Variants in TECPR2 observed in about 807,000 individuals in gnomAD.
TECPR2 encodes tectonin beta-propeller repeat containing 2.
TECPR2 carries 65 observed loss-of-function variants against 138.1 expected under a neutral mutation model. The observed-to-expected ratio is 0.47, with a 90% CI of 0.39 to 0.58. The LOEUF is 0.58. TECPR2 is among the 20% of genes least tolerant of loss of function. The pLI, the probability that TECPR2 is intolerant of heterozygous loss-of-function variation, is 0.00. For missense variants in TECPR2, 1,553 were observed against 1,824.5 expected (o/e 0.85, Z 2.71); for synonymous variants, 746 against 749.8 (o/e 0.99, Z 0.08).
At chr14:102,369,429 C>T (rs957017032) in intron 1 of TECPR2, among the ~76,000 whole-genome samples, 2 of 152,122 alleles carry the variant, frequency 1.3e-5, no homozygotes, top group Admixed American at 1.3e-4. Context: ...TGCTCTGTCA[C>T]CTAGGCTGGA....
intron 6 of TECPR2, among the ~76,000 whole-genome samples, chr14:102,427,659 C>G (rs1889359134): frequency 6.6e-6 from 1 of 152,138 alleles, no homozygotes; most frequent in African/African-American, 2.4e-5. Context: ...TTCATGTATT[C>G]ATTCAAAACC....
chr14:102,398,087 AAAAAGAAAAAAG>A (rs1567323591), intron 2 of TECPR2, among the ~76,000 whole-genome samples: 6 of 150,470 alleles, frequency 4.0e-5, no homozygotes, highest in East Asian at 1.9e-4. Context: ...AAAAAAAAAA[AAAAAGAAAAAAG>A]AAAGAAAAGA....
intron 17 of TECPR2, among the ~76,000 whole-genome samples, chr14:102,495,818 GC>G (rs930807728): frequency 2.1e-4 from 32 of 152,384 alleles, no homozygotes; most frequent in African/African-American, 7.0e-4. Flanking sequence ...GCGTTCATCA[GC>G]CCACAGTTAG....
At chr14:102,497,801 A>C in intron 19 of TECPR2, 82 bp downstream of exon 19, 1 of 1,447,322 alleles carries the variant, frequency 6.9e-7, no homozygotes, top group Non-Finnish European at 9.2e-7. Flanking sequence ...CTCTCAAAGA[A>C]GCCGACCCCA....
In TECPR2 at chr14:102,496,802, G is replaced by A. The variant is rs150299210; in HGVS notation, c.3790-177G>A. ...GGCCCACCTGACATTCTGGAGACAA[G>A]TGACCATCTCCCCCGTGAGACTGGC... On this transcript the variant is annotated intron_variant, in intron 17 of 19. Transcript: ENST00000359520. 22 of 901,662 alleles carry A rather than the reference G, an allele frequency of 2.4e-5. No individual in the cohort carries two copies. In the African/African-American group the frequency reaches 3.7e-4, roughly 15 times the overall value. The allele number at this position is 901,662 out of a possible 1,614,324, so 55.9% of individuals were successfully genotyped here.
At chr14:102,484,803 G>T (rs1463112609) in intron 17 of TECPR2, among the ~76,000 whole-genome samples, 10 of 152,098 alleles carry the variant, frequency 6.6e-5, no homozygotes, top group African/African-American at 2.2e-4. Flanking sequence ...GATTACAGGC[G>T]CATGCCACCA....
In TECPR2 at chr14:102,367,822, C is replaced by A. The variant is rs550309846; in HGVS notation, c.-73+4706C>A. On this transcript the variant is annotated intron_variant, in intron 1 of 19. Transcript: ENST00000359520. ...CTCTGTAACCTTTTGAAGAACTGCC[C>A]ACTGGTGGCTGCACCATTTTATTTT... Among the ~76,000 whole-genome samples the A allele has an allele frequency of 7.7e-4, 117 of 152,128 alleles. 1 individual carries two copies. Among genetic ancestry groups the A allele is most frequent in the African/African-American group, 2.5e-3 (102 of 41,488 alleles).
chr14:102,490,046 T>C (rs1427628503), intron 17 of TECPR2, among the ~76,000 whole-genome samples: 1 of 151,982 alleles, frequency 6.6e-6, no homozygotes, highest in Non-Finnish European at 1.5e-5. Flanking sequence ...AGTGAGTTTA[T>C]AAAATAAATA....
At chr14:102,369,613 A>G (rs903972724) in intron 1 of TECPR2, among the ~76,000 whole-genome samples, 5 of 151,936 alleles carry the variant, frequency 3.3e-5, no homozygotes, top group African/African-American at 1.2e-4. Flanking sequence ...TTTTGTAGAG[A>G]CAGAGTTTTG....
At chr14:102,493,605 A>C (rs886661544) in intron 17 of TECPR2, among the ~76,000 whole-genome samples, 1 of 152,172 alleles carries the variant, frequency 6.6e-6, no homozygotes, top group African/African-American at 2.4e-5. Flanking sequence ...GAAATCCCAA[A>C]CATCTGATCC....
intron 17 of TECPR2, chr14:102,465,647 T>C: frequency 1.0e-6 from 1 of 989,800 alleles, no homozygotes; most frequent in Non-Finnish European, 1.2e-6. Flanking sequence ...CCCAGAAGTA[T>C]AAAGAAGGTA....
chr14:102,428,117 A>G (rs188281652), intron 6 of TECPR2, 133 bp from the exon 7 acceptor site: 5 of 1,245,262 alleles, frequency 4.0e-6, no homozygotes, highest in Non-Finnish European at 5.4e-6. Flanking sequence ...TGGAATTTTC[A>G]GAAAGTTACC....
chr14:102,416,010 A>G (rs1889015853), intron 5 of TECPR2, among the ~76,000 whole-genome samples: 2 of 152,362 alleles, frequency 1.3e-5, no homozygotes, highest in Admixed American at 1.3e-4. Context: ...GCTTTGCGGC[A>G]ACACACAAGT....
At chr14:102,385,869 G>A (rs960479950) in intron 2 of TECPR2, among the ~76,000 whole-genome samples, 1 of 151,622 alleles carries the variant, frequency 6.6e-6, no homozygotes, top group African/African-American at 2.4e-5. Flanking sequence ...CCAGGAGGTC[G>A]AGGTCGTAGT....
intron 13 of TECPR2, among the ~76,000 whole-genome samples, chr14:102,448,918 T>G (rs1890062865): frequency 6.6e-6 from 1 of 152,028 alleles, no homozygotes. Flanking sequence ...AGATGCATAT[T>G]ATGTTTCTAA....
intron 1 of TECPR2, among the ~76,000 whole-genome samples, chr14:102,373,330 C>G (rs1436887252): frequency 1.3e-5 from 2 of 152,140 alleles, no homozygotes; most frequent in African/African-American, 4.8e-5. Context: ...CGATACCATT[C>G]AGTAGAAACT....
chr14:102,431,911 C>A lies in TECPR2; in HGVS notation c.1200C>A (p.Ser400Arg). The A allele has an allele frequency of 6.2e-7, 1 of 1,611,130 alleles. No homozygotes were observed. The highest frequency in any genetic ancestry group is 8.5e-7 in the Non-Finnish European group (1 of 1,177,872). The change falls in exon 8 of 20, where the codon AGC becomes AGA. Residue 400 changes from serine to arginine, a missense_variant. Physicochemically the swap from Ser to Arg is moderately radical, Grantham distance 110. Transcript: ENST00000359520. Reference sequence around the variant, plus strand: ...GGCTCAGAGGCTCTTCCATGGCCAGCTCCGTGGCCAGCGAGCCAAGGAGCA... The same window carrying A: ...GGCTCAGAGGCTCTTCCATGGCCAGATCCGTGGCCAGCGAGCCAAGGAGCA... The part of the protein sequence containing the change: ...ETRLRGSSMA[S>R]SVASEPRSRS...
chr14:102,367,084 G>A (rs543235390), intron 1 of TECPR2, among the ~76,000 whole-genome samples: 7 of 152,270 alleles, frequency 4.6e-5, no homozygotes, highest in Non-Finnish European at 8.8e-5. Context: ...AAGTGGAGAC[G>A]GGTAGAGAGG....
chr14:102,480,098 G>C (rs1471287758), intron 17 of TECPR2, among the ~76,000 whole-genome samples: 3 of 152,118 alleles, frequency 2.0e-5, no homozygotes, highest in African/African-American at 7.2e-5. Flanking sequence ...TAAAGTGAAG[G>C]GTCATATCCA....
Sources: gnomAD v4.1 joint callset for allele counts (sites outside exome capture counted in the v4.1 genomes callset) on GRCh38, gnomAD v4.1.1 for gene constraint, MANE v1.5 for transcripts, NCBI Gene and HGNC (gene_info 2026-07-23, HGNC 2026-07-21) for gene names.